Variants in FABP6 observed in about 807,000 individuals in gnomAD.
The protein encoded by FABP6 is gastrotropin.
Under a neutral mutation model 14.9 loss-of-function variants are expected in FABP6, and 13 were observed. The observed-to-expected ratio is 0.87, with a 90% CI of 0.57 to 1.39. The LOEUF is 1.39. FABP6 is among the 40% of genes most tolerant of loss of function. The pLI is 0.00. For synonymous variants in FABP6, 75 were observed against 63.6 expected, an observed-to-expected ratio of 1.18 and a Z score of -0.85; for missense variants, 161 against 167.2, an observed-to-expected ratio of 0.96 and a Z score of 0.20.
intron 2 of FABP6, among the ~76,000 whole-genome samples, chr5:160,233,657 G>A (rs148781825): frequency 6.8e-4 from 104 of 152,240 alleles, no homozygotes; most frequent in Middle Eastern, 3.4e-3. Context: ...GGCAGATCAC[G>A]AGGTTAGGAG....
At chr5:160,232,959 C>T (rs571315887) in intron 2 of FABP6, among the ~76,000 whole-genome samples, 1 of 146,482 alleles carries the variant, frequency 6.8e-6, no homozygotes, top group East Asian at 2.1e-4. Flanking sequence ...AGGGGCAGGC[C>T]TTTACACCAG....
chr5:160,215,196 C>T (rs572933882), intron 3 of FABP6, among the ~76,000 whole-genome samples: 1 of 152,292 alleles, frequency 6.6e-6, no homozygotes, highest in East Asian at 1.9e-4. Context: ...TATGTCTGTA[C>T]AATGGATTAC....
At chr5:160,193,667 T>C (rs1365020194) in intron 1 of FABP6, among the ~76,000 whole-genome samples, 1 of 152,136 alleles carries the variant, frequency 6.6e-6, no homozygotes, top group Non-Finnish European at 1.5e-5. Context: ...CTAGATACAG[T>C]GTCGATTGGT....
Position 160,191,090 on chromosome 5 carries a change from G to GAA in FABP6, c.-59+3651_-59+3652dup, listed in dbSNP as rs58261991. On this transcript the variant is annotated intron_variant, in intron 1 of 6. Transcript: ENST00000393980. ...GGCAACAAGAGCAAGACTCCATCTG[G>GAA]AAAAAAAAAAAAAAAAGCAAATCAG... Among the ~76,000 whole-genome samples, 1,250 of 127,544 alleles carry GAA rather than the reference G, an allele frequency of 9.8e-3. 22 individuals are homozygous for GAA. Among genetic ancestry groups the GAA allele is most frequent in the African/African-American group, 0.032 (1,078 of 33,566 alleles). 83.7% of individuals were successfully genotyped at this position (127,544 alleles called of 152,430 possible). A position where few individuals can be genotyped will look rare whatever the true frequency, so the allele number is the denominator to read the frequency against.
At chr5:160,234,380 CTTTTTTTTT>C (rs35775372) in intron 2 of FABP6, among the ~76,000 whole-genome samples, 1 of 84,118 alleles carries the variant, frequency 1.2e-5, no homozygotes, top group African/African-American at 4.4e-5. Context: ...AGAAATCTGA[CTTTTTTTTT>C]TTTTTTTTTT....
upstream of FABP6, chr5:160,228,816 G>T (rs1461340017): frequency 1.8e-5 from 5 of 275,702 alleles, no homozygotes; most frequent in East Asian, 4.1e-4. Context: ...TTTCATCATG[G>T]CCCTTTCCAT....
upstream of FABP6, among the ~76,000 whole-genome samples, chr5:160,225,102 T>G (rs1000012494): frequency 1.6e-4 from 25 of 151,842 alleles, no homozygotes; most frequent in East Asian, 5.9e-4. Flanking sequence ...AGTTTTTTTT[T>G]TTTGTTTTTT....
At chr5:160,225,323 C>G (rs1432208479), upstream of FABP6, among the ~76,000 whole-genome samples, 1 of 151,854 alleles carries the variant, frequency 6.6e-6, no homozygotes, top group Non-Finnish European at 1.5e-5. Context: ...TCTCGAACTC[C>G]TAGCCTTGTG....
chr5:160,200,712 C>T (rs1455779530), intron 2 of FABP6, among the ~76,000 whole-genome samples: 10 of 152,186 alleles, frequency 6.6e-5, no homozygotes, highest in African/African-American at 2.2e-4. Flanking sequence ...CCGCACCCGG[C>T]AAGTCTTTAG....
intron 3 of FABP6, among the ~76,000 whole-genome samples, chr5:160,221,203 T>C (rs1209011432): frequency 1.3e-5 from 2 of 151,960 alleles, no homozygotes. Flanking sequence ...ATGGTGTGTC[T>C]GAAGTCTCAG....
chr5:160,218,277 C>A (rs1194147842), intron 3 of FABP6, among the ~76,000 whole-genome samples: 2 of 151,976 alleles, frequency 1.3e-5, no homozygotes, highest in East Asian at 1.9e-4. Flanking sequence ...CCATTATTAT[C>A]CAGATTTTGC....
At chr5:160,187,853 A>C (rs1759316885) in intron 1 of FABP6, among the ~76,000 whole-genome samples, 3 of 152,022 alleles carry the variant, frequency 2.0e-5, no homozygotes, top group Middle Eastern at 3.2e-3. Context: ...CCCGAGTTCA[A>C]GCGATTCTTC....
chr5:160,231,379 TA>T (rs1760376972), intron 1 of FABP6, among the ~76,000 whole-genome samples: 2 of 152,286 alleles, frequency 1.3e-5, no homozygotes, highest in African/African-American at 4.8e-5. Context: ...ATAAAAGTAT[TA>T]GAAGACACAG....
At chr5:160,215,693 A>G (rs1407108362) in intron 3 of FABP6, among the ~76,000 whole-genome samples, 1 of 95,392 alleles carries the variant, frequency 1.0e-5, no homozygotes, top group African/African-American at 3.5e-5. Context: ...GTCAAAAAAA[A>G]AAAAAGAAAA....
At chr5:160,213,633 G>A (rs1013169410) in intron 2 of FABP6, 11 of 915,458 alleles carry the variant, frequency 1.2e-5, no homozygotes, top group Non-Finnish European at 1.6e-5. Context: ...GCAATTAAGA[G>A]CGCTGCTATG....
At chr5:160,188,691 C>A (rs1759339435) in intron 1 of FABP6, among the ~76,000 whole-genome samples, 1 of 152,252 alleles carries the variant, frequency 6.6e-6, no homozygotes, top group African/African-American at 2.4e-5. Flanking sequence ...CGGGACCGGG[C>A]TGTTAGCCAC....
intron 1 of FABP6, among the ~76,000 whole-genome samples, chr5:160,188,051 G>T (rs1294165516): frequency 3.9e-5 from 2 of 51,750 alleles, no homozygotes; most frequent in Non-Finnish European, 7.4e-5. Flanking sequence ...TGAGACCCCG[G>T]CCTGCTAATA....
chr5:160,219,528 GGGTGGATGGAA>G (rs1475553199), intron 3 of FABP6, among the ~76,000 whole-genome samples: 1 of 152,156 alleles, frequency 6.6e-6, no homozygotes, highest in Non-Finnish European at 1.5e-5. Flanking sequence ...AGGCGGGCAT[GGGTGGATGGAA>G]GGTGGAGGGT....
At chr5:160,217,115 G>C (rs1158844787) in intron 3 of FABP6, among the ~76,000 whole-genome samples, 2 of 152,164 alleles carry the variant, frequency 1.3e-5, no homozygotes, top group African/African-American at 2.4e-5. Flanking sequence ...CACAGGACTT[G>C]GCGCATTGCA....
Sources: gnomAD v4.1 joint callset for allele counts (sites outside exome capture counted in the v4.1 genomes callset) on GRCh38, gnomAD v4.1.1 for gene constraint, MANE v1.5 for transcripts, NCBI Gene and HGNC (gene_info 2026-07-23, HGNC 2026-07-21) for gene names.